The following XPR1 variants were observed in gnomAD, a reference collection of about 807,000 sequenced individuals.
The protein encoded by XPR1 is xenotropic and polytropic retrovirus receptor 1.
In XPR1, 28 loss-of-function variants were observed where a neutral mutation model predicts 87.5. That is an observed-to-expected ratio of 0.32 (90% CI 0.24 to 0.44). The LOEUF is 0.44. Ranked by LOEUF, XPR1 falls within the 20% of genes least tolerant of loss-of-function variation. XPR1 has a pLI of 1.00. For synonymous variants in XPR1, 300 were observed against 306.1 expected (o/e 0.98, Z 0.21); for missense variants, 559 against 862.3 (o/e 0.65, Z 4.41).
intron 11 of XPR1, among the ~76,000 whole-genome samples, chr1:180,860,130 T>C (rs969077577): frequency 1.3e-5 from 2 of 151,984 alleles, no homozygotes; most frequent in Non-Finnish European, 2.9e-5. Context: ...TCACTAGTCA[T>C]CAGAGGAGTA....
chr1:180,637,526 G>A (rs906855069), intron 1 of XPR1, among the ~76,000 whole-genome samples: 3 of 152,002 alleles, frequency 2.0e-5, no homozygotes, highest in African/African-American at 7.2e-5. Context: ...CAAGAAGTTC[G>A]CCAAAAATTT....
chr1:180,858,917 C>T (rs990507779), intron 11 of XPR1, among the ~76,000 whole-genome samples: 1 of 152,102 alleles, frequency 6.6e-6, no homozygotes, highest in African/African-American at 2.4e-5. Flanking sequence ...TCTGACAATT[C>T]AAAGGTTTGA....
Position 180,669,089 on chromosome 1 carries a change from A to G in XPR1, c.70-13271A>G, listed in dbSNP as rs1406174675. ...GAGCAACAAGAGCGAAACTCTGTCTAAAAAAAAAAAAAAAAAAAATCTATT... is the reference window on the plus strand; with the variant it reads ...GAGCAACAAGAGCGAAACTCTGTCTGAAAAAAAAAAAAAAAAAAATCTATT... On this transcript the variant is annotated intron_variant, in intron 1 of 14. Transcript: ENST00000367590. Among the ~76,000 whole-genome samples the G allele has an allele frequency of 4.5e-5, 6 of 132,222 alleles. No homozygotes were observed. The South Asian group carries it at 1.2e-3, about 26-fold the overall frequency. 86.7% of individuals were successfully genotyped at this position (132,222 alleles called of 152,430 possible). A position where few individuals can be genotyped will look rare whatever the true frequency, so the allele number is the denominator to read the frequency against.
intron 2 of XPR1, among the ~76,000 whole-genome samples, chr1:180,762,541 A>G (rs1359668277): frequency 6.6e-6 from 1 of 152,192 alleles, no homozygotes; most frequent in Non-Finnish European, 1.5e-5. Flanking sequence ...TTCATGGTGG[A>G]CTAAAAATTA....
intron 9 of XPR1, among the ~76,000 whole-genome samples, chr1:180,832,049 C>T (rs1451334654): frequency 6.6e-6 from 1 of 152,206 alleles, no homozygotes. Context: ...CACATCCTCT[C>T]CAGCATCTGT....
chr1:180,781,851 G>A (rs767216830), intron 2 of XPR1, among the ~76,000 whole-genome samples: 17 of 151,784 alleles, frequency 1.1e-4, no homozygotes, highest in Non-Finnish European at 2.4e-4. Context: ...GCTGGAGTGC[G>A]GTGGCACGAA....
chr1:180,707,298 C>T (rs1657592345), intron 2 of XPR1, among the ~76,000 whole-genome samples: 1 of 152,140 alleles, frequency 6.6e-6, no homozygotes, highest in Non-Finnish European at 1.5e-5. Flanking sequence ...AGGTATTAAG[C>T]CTAGTACCCA....
chr1:180,806,259 AT>A, intron 5 of XPR1, 48 bp downstream of exon 5: 1 of 1,589,892 alleles, frequency 6.3e-7, no homozygotes, highest in Non-Finnish European at 8.6e-7. Flanking sequence ...TACACGTTTT[AT>A]ATTTAGGGAA....
At chr1:180,882,385 G>A (rs746717187) in intron 14 of XPR1, among the ~76,000 whole-genome samples, 2 of 151,924 alleles carry the variant, frequency 1.3e-5, no homozygotes, top group East Asian at 1.9e-4. Flanking sequence ...ACAGTATCTC[G>A]CTCCGTTGCC....
intron 12 of XPR1, among the ~76,000 whole-genome samples, chr1:180,872,856 T>A (rs893789464): frequency 6.6e-6 from 1 of 152,152 alleles, no homozygotes; most frequent in South Asian, 2.1e-4. Flanking sequence ...ATTATTCTTA[T>A]TACACATATT....
At chr1:180,801,063 C>T (rs1447505072) in intron 3 of XPR1, among the ~76,000 whole-genome samples, 1 of 152,208 alleles carries the variant, frequency 6.6e-6, no homozygotes, top group Non-Finnish European at 1.5e-5. Flanking sequence ...TCTCTGTGTG[C>T]AAAAACATCT....
At chr1:180,881,124 T>C (rs60946005) in intron 14 of XPR1, among the ~76,000 whole-genome samples, 1 of 152,092 alleles carries the variant, frequency 6.6e-6, no homozygotes, top group Non-Finnish European at 1.5e-5. Flanking sequence ...TGTAAAAGGC[T>C]GAAAATGCAA....
chr1:180,819,625 G>A (rs897601274), intron 7 of XPR1, among the ~76,000 whole-genome samples: 3 of 152,076 alleles, frequency 2.0e-5, no homozygotes, highest in Admixed American at 6.5e-5. Context: ...AGGCTATTTC[G>A]CTTTCTTTTA....
At chr1:180,729,072 A>G (rs1416976854) in intron 2 of XPR1, among the ~76,000 whole-genome samples, 2 of 152,188 alleles carry the variant, frequency 1.3e-5, no homozygotes, top group Admixed American at 6.5e-5. Context: ...GCTCCTGCTT[A>G]TAAATGAGAA....
chr1:180,792,129 A>T (rs1649411105), intron 3 of XPR1, among the ~76,000 whole-genome samples: 1 of 152,206 alleles, frequency 6.6e-6, no homozygotes, highest in African/African-American at 2.4e-5. Flanking sequence ...TTCTCCCCAG[A>T]AGATTGTAGA....
intron 3 of XPR1, among the ~76,000 whole-genome samples, chr1:180,800,734 C>T (rs1392832409): frequency 6.6e-6 from 1 of 152,190 alleles, no homozygotes; most frequent in Non-Finnish European, 1.5e-5. Context: ...CCTCAGTGCA[C>T]AGTCACTCTA....
intron 2 of XPR1, among the ~76,000 whole-genome samples, chr1:180,762,461 T>C (rs1648082336): frequency 1.3e-5 from 2 of 151,962 alleles, no homozygotes; most frequent in Admixed American, 6.6e-5. Context: ...ATTGTAAGAG[T>C]GGACCCATCA....
intron 7 of XPR1, among the ~76,000 whole-genome samples, chr1:180,823,311 T>C (rs1650707297): frequency 1.3e-5 from 2 of 152,180 alleles, no homozygotes; most frequent in Admixed American, 1.3e-4. Context: ...ATTTTATAGT[T>C]ATTTGGAAAA....
chr1:180,740,758 A>G (rs1021242234), intron 2 of XPR1, among the ~76,000 whole-genome samples: 1 of 152,156 alleles, frequency 6.6e-6, no homozygotes, highest in Non-Finnish European at 1.5e-5. Flanking sequence ...CATATCAACA[A>G]CAGAAATTTA....
Sources: gnomAD v4.1 joint callset for allele counts (sites outside exome capture counted in the v4.1 genomes callset) on GRCh38, gnomAD v4.1.1 for gene constraint, MANE v1.5 for transcripts, NCBI Gene and HGNC (gene_info 2026-07-23, HGNC 2026-07-21) for gene names.